The following SH2D4A variants were observed in gnomAD, a reference collection of about 807,000 sequenced individuals.
SH2D4A encodes the protein SH2 domain-containing protein 4A.
A neutral mutation model predicts 64.7 loss-of-function variants in SH2D4A; 70 were observed. That is an observed-to-expected ratio of 1.08 (90% CI 0.89 to 1.32). The LOEUF is 1.32. SH2D4A is among the 40% of genes most tolerant of loss of function. SH2D4A has a pLI of 0.00. For synonymous variants in SH2D4A, 268 were observed against 200.7 expected (o/e 1.34, Z -2.83); for missense variants, 706 against 540.1 (o/e 1.31, Z -3.04).
intron 9 of SH2D4A, 91 bp downstream of exon 9, chr8:19,393,632 GA>G: frequency 7.8e-7 from 1 of 1,289,492 alleles, no homozygotes. Flanking sequence ...AAAGGACTGA[GA>G]CAAGTACTGG....
chr8:19,316,532 C>A (rs186990589), intron 1 of SH2D4A, among the ~76,000 whole-genome samples: 6 of 152,276 alleles, frequency 3.9e-5, no homozygotes, highest in African/African-American at 9.6e-5. Context: ...GTGTGACAGT[C>A]GGTTCCTTGC....
At chr8:19,333,146 A>C (rs1406307249) in intron 3 of SH2D4A, 32 bp downstream of exon 3, 3 of 1,590,112 alleles carry the variant, frequency 1.9e-6, no homozygotes, top group African/African-American at 2.7e-5. Flanking sequence ...CAGAGACTTA[A>C]AGACTCTCCA....
At chr8:19,382,242 C>G (rs1016662163) in intron 8 of SH2D4A, among the ~76,000 whole-genome samples, 1 of 152,122 alleles carries the variant, frequency 6.6e-6, no homozygotes, top group Non-Finnish European at 1.5e-5. Flanking sequence ...TTGCATCTCA[C>G]TTTTAAAGGA....
intron 4 of SH2D4A, among the ~76,000 whole-genome samples, chr8:19,343,334 G>A (rs180981251): frequency 5.9e-5 from 9 of 152,248 alleles, no homozygotes; most frequent in East Asian, 1.9e-4. Flanking sequence ...TCCAGTGGCC[G>A]AGGAGGGAGG....
In SH2D4A at chr8:19,313,814, C is replaced by G. The variant is rs1481652237; in HGVS notation, c.-214C>G. 1.3e-6 allele frequency: 2 copies of G among 1,504,706 alleles called. No homozygotes were observed. The highest frequency in any genetic ancestry group is 1.8e-6 in the Non-Finnish European group (2 of 1,132,436). 93.2% of individuals were successfully genotyped at this position (1,504,706 alleles called of 1,614,324 possible). On this transcript the variant is annotated 5_prime_UTR_variant, in exon 1 of 10. Coordinates refer to ENST00000265807, the MANE Select transcript of SH2D4A (RefSeq NM_022071.4). Reference sequence around the variant, plus strand: ...GATCGAGCCACCCTGCCCAGGGGCGCCCAGCACTGGTAGGTGCTGGGGGTG... The same window carrying G: ...GATCGAGCCACCCTGCCCAGGGGCGGCCAGCACTGGTAGGTGCTGGGGGTG...
intron 8 of SH2D4A, among the ~76,000 whole-genome samples, chr8:19,388,621 TC>T (rs1159956322): frequency 6.6e-6 from 1 of 152,200 alleles, no homozygotes; most frequent in Non-Finnish European, 1.5e-5. Flanking sequence ...AAACACATTT[TC>T]CAGACACAGG....
intron 2 of SH2D4A, among the ~76,000 whole-genome samples, chr8:19,332,412 G>A (rs767221531): frequency 8.5e-5 from 13 of 152,196 alleles, no homozygotes; most frequent in Middle Eastern, 6.8e-3. Flanking sequence ...GAGGTGGGTG[G>A]ATCACGAGGT....
chr8:19,358,027 G>A (rs967174258), intron 5 of SH2D4A, among the ~76,000 whole-genome samples: 8 of 152,136 alleles, frequency 5.3e-5, no homozygotes, highest in Non-Finnish European at 8.8e-5. Context: ...GCATGAACTT[G>A]CATTTTTAAG....
At chr8:19,334,585 A>C in intron 3 of SH2D4A, 101 bp from the exon 4 acceptor site, 1 of 1,292,488 alleles carries the variant, frequency 7.7e-7, no homozygotes, top group Non-Finnish European at 1.1e-6. Flanking sequence ...AAGTGGTGTC[A>C]GTTACTGTTT....
Position 19,319,475 on chromosome 8 carries a change from C to G in SH2D4A, c.-73C>G. On this transcript the variant is annotated 5_prime_UTR_variant, in exon 2 of 10. Coordinates refer to ENST00000265807, the MANE Select transcript of SH2D4A (RefSeq NM_022071.4). ...TCGTGGAAACGCCCAAGTGCCAGCA[C>G]AGGTGGAGGGACACCTGGAGGCCAG... 7.2e-7 allele frequency: 1 copy of G among 1,383,882 alleles called. No homozygotes were observed. The highest frequency in any genetic ancestry group is 9.4e-7 in the Non-Finnish European group (1 of 1,063,258). 85.7% of individuals were successfully genotyped at this position (1,383,882 alleles called of 1,614,324 possible).
At chr8:19,326,747 A>T (rs554977294) in intron 2 of SH2D4A, among the ~76,000 whole-genome samples, 2 of 152,034 alleles carry the variant, frequency 1.3e-5, no homozygotes, top group South Asian at 4.2e-4. Flanking sequence ...GTGATTGCCC[A>T]TCAGGTTGAA....
chr8:19,393,420 CCTAT>C lies in SH2D4A; in HGVS notation c.1154_1157del (p.Tyr385CysfsTer107). 1 of 1,614,232 alleles carries C rather than the reference CCTAT, an allele frequency of 6.2e-7. No individual in the cohort carries two copies. Among genetic ancestry groups the C allele is most frequent in the East Asian group, 2.2e-5 (1 of 44,886 alleles). On this transcript the variant is annotated frameshift_variant, in exon 9 of 10. Transcript: ENST00000265807. LOFTEE classifies it high-confidence loss of function. Reference sequence around the variant, plus strand: ...GAAAGGATCAAAGGCTATGCCCTGTCCTATCTGTCGGAGGACGGCTGTAAACATT... The same window carrying C: ...GAAAGGATCAAAGGCTATGCCCTGTCCTGTCGGAGGACGGCTGTAAACATT...
chr8:19,319,784 C>G (rs2052156636), intron 2 of SH2D4A, 56 bp downstream of exon 2: 5 of 1,469,556 alleles, frequency 3.4e-6, no homozygotes, highest in Non-Finnish European at 4.5e-6. Context: ...TCCTGGCTTG[C>G]TTTGACAATT....
At chr8:19,356,785 C>T (rs1162132906) in intron 4 of SH2D4A, among the ~76,000 whole-genome samples, 2 of 152,202 alleles carry the variant, frequency 1.3e-5, no homozygotes, top group Non-Finnish European at 2.9e-5. Flanking sequence ...GGCATGTCTG[C>T]AAGGCATCAT....
At chr8:19,344,662 G>A (rs1301826718) in intron 4 of SH2D4A, among the ~76,000 whole-genome samples, 2 of 152,114 alleles carry the variant, frequency 1.3e-5, no homozygotes, top group African/African-American at 4.8e-5. Flanking sequence ...TAGGGCGTGG[G>A]TATCTTTTAA....
At chr8:19,336,585 T>C (rs542347440) in intron 4 of SH2D4A, among the ~76,000 whole-genome samples, 1 of 152,294 alleles carries the variant, frequency 6.6e-6, no homozygotes, top group African/African-American at 2.4e-5. Flanking sequence ...GTGTGTTTGC[T>C]CACACTTGTA....
chr8:19,373,506 T>C, intron 7 of SH2D4A, 24 bp from the exon 8 acceptor site: 1 of 1,554,518 alleles, frequency 6.4e-7, no homozygotes. Context: ...TAAATCTAAC[T>C]TGAAAAACTT....
intron 8 of SH2D4A, among the ~76,000 whole-genome samples, chr8:19,379,033 G>C (rs1469794387): frequency 2.1e-5 from 3 of 142,672 alleles, no homozygotes; most frequent in South Asian, 4.4e-4. Context: ...AGTGAGCCAA[G>C]ATCACGCCAT....
intron 8 of SH2D4A, among the ~76,000 whole-genome samples, chr8:19,383,712 CTTCTTT>C (rs2053338299): frequency 6.6e-6 from 1 of 152,010 alleles, no homozygotes; most frequent in Admixed American, 6.6e-5. Flanking sequence ...GTCTTCACAG[CTTCTTT>C]TTTAGCCTGT....
Sources: gnomAD v4.1 joint callset for allele counts (sites outside exome capture counted in the v4.1 genomes callset) on GRCh38, gnomAD v4.1.1 for gene constraint, MANE v1.5 for transcripts, NCBI Gene and HGNC (gene_info 2026-07-23, HGNC 2026-07-21) for gene names.